The following DAAM2 variants were observed in gnomAD, a reference collection of about 807,000 sequenced individuals.
DAAM2 encodes the protein dishevelled associated activator of morphogenesis 2, also known as disheveled-associated activator of morphogenesis 2.
Under a neutral mutation model 120.7 loss-of-function variants are expected in DAAM2, and 39 were observed. The observed-to-expected ratio is 0.32, with a 90% CI of 0.25 to 0.42. The LOEUF is 0.42. Ranked by LOEUF, DAAM2 falls within the 10% of genes least tolerant of loss-of-function variation. The probability of loss-of-function intolerance (pLI) is 1.00; values close to 1 mark genes in which losing one functional copy is unlikely to be tolerated. For missense variants in DAAM2, 1,283 were observed against 1,401.7 expected, an observed-to-expected ratio of 0.92 and a Z score of 1.35; for synonymous variants, 488 against 524.9, an observed-to-expected ratio of 0.93 and a Z score of 0.96.
rs886658889 is a variant in DAAM2 at position 39,877,241 on chromosome 6, C to T, written c.1302-962C>T. ...TTATATCTGACCCATGGGCAACCCT[C>T]ATGCCATCTCTTGTGCCAACGAACT... On this transcript the variant is annotated intron_variant, in intron 11 of 24. Coordinates refer to ENST00000274867, the MANE Select transcript of DAAM2 (RefSeq NM_001201427.2). 1.2e-4 allele frequency among the ~76,000 whole-genome samples: 18 copies of T among 152,362 alleles called. No individual in the cohort carries two copies. In the East Asian group the frequency reaches 3.3e-3, roughly 28 times the overall value.
intron 8 of DAAM2, among the ~76,000 whole-genome samples, chr6:39,871,187 T>A (rs1434351297): frequency 6.6e-6 from 1 of 152,098 alleles, no homozygotes. Context: ...AGGCTGGGGA[T>A]GCTGCTAAAC....
intron 1 of DAAM2, among the ~76,000 whole-genome samples, chr6:39,845,430 CCA>C (rs1363821588): frequency 1.5e-5 from 1 of 65,760 alleles, no homozygotes; most frequent in Non-Finnish European, 3.7e-5. Flanking sequence ...CACACACTCA[CCA>C]CACACACCGC....
At position 39,888,711 on chromosome 6, in the gene DAAM2, C is replaced by T; in HGVS notation, c.2093C>T (p.Ala698Val). The T allele has an allele frequency of 6.2e-7, 1 of 1,613,142 alleles. No individual in the cohort carries two copies. The highest frequency in any genetic ancestry group is 8.5e-7 in the Non-Finnish European group (1 of 1,179,406). The change falls in exon 17 of 25, where the codon GCC becomes GTC. Residue 698 changes from alanine to valine, a missense_variant. This residue lies in a region of DAAM2 where 748 missense variants were observed against 768.6 expected (regional missense o/e 0.97). Transcript: ENST00000274867. ...LKLSNEEIRQ[A>V]ILKMDEQEDL... ...CTTTCTAACGAGGAGATCCGGCAGG[C>T]CATCTTGAAGATGGATGAGCAGGAG...
chr6:39,901,991 C>T lies in DAAM2; in HGVS notation c.3161C>T (p.Ala1054Val), dbSNP rs1766519843. 2 of 1,611,474 alleles carry T rather than the reference C, an allele frequency of 1.2e-6. No homozygotes were observed. The highest frequency in any genetic ancestry group is 1.1e-5 in the South Asian group (1 of 90,924). ...AGCCGCAAGCGATCAGGGAGCCAGG[C>T]CCTGGAAGTTACCCGGGAGCGGGCA... ...KRSRKRSGSQALEVTRERAIN... is the reference protein window; with the variant it reads ...KRSRKRSGSQVLEVTRERAIN... Residue 1054 changes from alanine (A) to valine (V), a missense_variant, in exon 25 of 25, where the codon GCC (alanine) becomes GTC (valine). Transcript: ENST00000274867. This position sits in a 1 kb window ranked among gnomAD's most constrained non-coding sequence, Gnocchi z 4.5.
chr6:39,869,932 T>C (rs1405899638), intron 7 of DAAM2, among the ~76,000 whole-genome samples: 2 of 152,100 alleles, frequency 1.3e-5, no homozygotes, highest in Non-Finnish European at 2.9e-5. Context: ...CAGGTAATTA[T>C]AACAAGTGTC....
At chr6:39,803,349 T>C (rs530903787) in intron 1 of DAAM2, among the ~76,000 whole-genome samples, 1 of 152,336 alleles carries the variant, frequency 6.6e-6, no homozygotes, top group African/African-American at 2.4e-5. Flanking sequence ...TTGACAGTGA[T>C]ATACAGGGAT....
At chr6:39,814,503 T>G (rs3008802) in intron 1 of DAAM2, among the ~76,000 whole-genome samples, 82,898 of 152,106 alleles carry the variant, frequency 0.55, 22,764 homozygotes, top group East Asian at 0.63. Context: ...ACAACTGATT[T>G]TCTGTTTTAC....
At chr6:39,803,212 G>T (rs754615761) in intron 1 of DAAM2, among the ~76,000 whole-genome samples, 1 of 152,306 alleles carries the variant, frequency 6.6e-6, no homozygotes, top group African/African-American at 2.4e-5. Context: ...GAGTAGAATT[G>T]CTAGAGCCTT....
At chr6:39,846,171 T>C (rs1207588238) in intron 1 of DAAM2, among the ~76,000 whole-genome samples, 1 of 152,060 alleles carries the variant, frequency 6.6e-6, no homozygotes, top group African/African-American at 2.4e-5. Context: ...TATAGCTCTG[T>C]AAGGGCAGGA....
chr6:39,794,332 A>G (rs1334248020), intron 1 of DAAM2, among the ~76,000 whole-genome samples: 1 of 151,978 alleles, frequency 6.6e-6, no homozygotes, highest in African/African-American at 2.4e-5. Flanking sequence ...TCTAACCCCC[A>G]TTTCTTCCTT....
chr6:39,857,075 G>A (rs188608632), intron 2 of DAAM2, among the ~76,000 whole-genome samples: 3 of 152,290 alleles, frequency 2.0e-5, no homozygotes, highest in African/African-American at 4.8e-5. Context: ...CGCAATGCCC[G>A]CCCAGACCAG....
At chr6:39,832,355 T>C (rs1248707771) in intron 1 of DAAM2, among the ~76,000 whole-genome samples, 1 of 152,022 alleles carries the variant, frequency 6.6e-6, no homozygotes, top group Non-Finnish European at 1.5e-5. Flanking sequence ...GAAACAAAAG[T>C]GGGACTGTTT....
intron 1 of DAAM2, among the ~76,000 whole-genome samples, chr6:39,802,192 C>T (rs1761883958): frequency 2.0e-5 from 3 of 152,180 alleles, no homozygotes; most frequent in South Asian, 2.1e-4. Flanking sequence ...GTAATGTTAT[C>T]GATGTCTGTG....
chr6:39,809,959 T>C (rs189186458), intron 1 of DAAM2, among the ~76,000 whole-genome samples: 110 of 152,324 alleles, frequency 7.2e-4, no homozygotes, highest in African/African-American at 2.4e-3. Context: ...TTCAGCCTTC[T>C]TTAGAATGGA....
At chr6:39,841,815 C>A (rs1250902021) in intron 1 of DAAM2, among the ~76,000 whole-genome samples, 3 of 152,138 alleles carry the variant, frequency 2.0e-5, no homozygotes, top group African/African-American at 7.2e-5. Flanking sequence ...CAGAGGAAAT[C>A]TCAGCTTCTG....
At chr6:39,861,718 T>C (rs1764219901) in intron 3 of DAAM2, 1 of 155,278 alleles carries the variant, frequency 6.4e-6, no homozygotes, top group East Asian at 1.9e-4. Flanking sequence ...AATTTTCTTT[T>C]CATGGCCTAC....
intron 1 of DAAM2, among the ~76,000 whole-genome samples, chr6:39,840,488 G>A (rs1464639709): frequency 1.3e-5 from 2 of 152,168 alleles, no homozygotes; most frequent in Non-Finnish European, 1.5e-5. Context: ...TTTGAAGTTC[G>A]GGGTGGTCCG....
intron 1 of DAAM2, among the ~76,000 whole-genome samples, chr6:39,846,047 G>A (rs193042834): frequency 2.6e-5 from 4 of 152,164 alleles, no homozygotes; most frequent in Non-Finnish European, 5.9e-5. Context: ...CTGGTATTTG[G>A]GAATAAAACA....
At chr6:39,870,489 G>A in intron 8 of DAAM2, 46 bp downstream of exon 8, 3 of 1,232,928 alleles carry the variant, frequency 2.4e-6, no homozygotes, top group Non-Finnish European at 3.5e-6. Flanking sequence ...TGGGGACAGT[G>A]CCTCAGATGG....
Sources: allele counts gnomAD v4.1 joint callset (sites outside exome capture counted in the v4.1 genomes callset), GRCh38; gene constraint gnomAD v4.1.1; regional missense constraint gnomAD v4.1.1; non-coding constraint Gnocchi (gnomAD v3.1); transcripts MANE v1.5; gene names NCBI Gene and HGNC (gene_info 2026-07-23, HGNC 2026-07-21).